Variants in SLC37A1 observed in about 807,000 individuals in gnomAD.
SLC37A1 encodes the protein solute carrier family 37 member 1.
SLC37A1 carries 49 observed loss-of-function variants against 75.3 expected under a neutral mutation model. The observed-to-expected ratio is 0.65, with a 90% CI of 0.52 to 0.83. The LOEUF is 0.83. SLC37A1 is among the 40% of genes least tolerant of loss of function. The pLI, the probability that SLC37A1 is intolerant of heterozygous loss-of-function variation, is 0.00. For missense variants in SLC37A1, 566 were observed against 695.0 expected, an observed-to-expected ratio of 0.81 and a Z score of 2.09; for synonymous variants, 268 against 292.1, an observed-to-expected ratio of 0.92 and a Z score of 0.84.
chr21:42,534,686 A>G lies in SLC37A1; in HGVS notation c.139-12A>G. On this transcript the variant is annotated splice_polypyrimidine_tract_variant and intron_variant, in intron 3 of 19. Transcript: ENST00000352133. The stretch of plus-strand genomic sequence containing the variant: ...TTCCTCTCCCTGCTTCTGCCCTCCC[A>G]TCACGTCCCAGGGTGAGCTCCACAA... The G allele has an allele frequency of 1.2e-6, 2 of 1,604,152 alleles. No homozygotes were observed. The highest frequency in any genetic ancestry group is 1.7e-6 in the Non-Finnish European group (2 of 1,173,012).
chr21:42,525,453 C>G (rs1391812615), intron 2 of SLC37A1, among the ~76,000 whole-genome samples: 1 of 152,220 alleles, frequency 6.6e-6, no homozygotes, highest in Non-Finnish European at 1.5e-5. Flanking sequence ...CATCCAGTGT[C>G]AGCTGGAGAA....
Position 42,548,934 on chromosome 21 carries a change from AAAG to A in SLC37A1, c.768+1798_768+1800del, listed in dbSNP as rs960386333. ...GGGCTCCTGGGTGTGATTCATATGGAAAGAAGGGTTCTGATACTTGATGACAAA... is the reference window on the plus strand; with the variant it reads ...GGGCTCCTGGGTGTGATTCATATGGAAAGGGTTCTGATACTTGATGACAAA... On this transcript the variant is annotated intron_variant, in intron 9 of 19. Transcript: ENST00000352133. This position sits in a 1 kb window ranked among gnomAD's most constrained non-coding sequence, Gnocchi z 5.6. Among the ~76,000 whole-genome samples, 7 of 152,160 alleles carry A rather than the reference AAAG, an allele frequency of 4.6e-5. No homozygotes were observed. Among genetic ancestry groups the A allele is most frequent in the African/African-American group, 1.7e-4 (7 of 41,432 alleles).
At position 42,552,686 on chromosome 21, in the gene SLC37A1, ACTT is replaced by A. The variant is rs2146937687; in HGVS notation, c.769-1374_769-1372del. Among the ~76,000 whole-genome samples the A allele has an allele frequency of 6.6e-6, 1 of 152,270 alleles. No individual in the cohort carries two copies. Among genetic ancestry groups the A allele is most frequent in the East Asian group, 1.9e-4 (1 of 5,192 alleles). ...GGACAGGCCCCTTCCCTTTCAGGAG[ACTT>A]CCTAGCATTTCCTAACATCATTTCT... On this transcript the variant is annotated intron_variant, in intron 9 of 19. Coordinates refer to ENST00000352133, the MANE Select transcript of SLC37A1 (RefSeq NM_001320537.2). The surrounding 1 kb of genome is among the most constrained non-coding windows in gnomAD (Gnocchi z 4.2).
intron 10 of SLC37A1, among the ~76,000 whole-genome samples, chr21:42,557,225 C>T (rs945722663): frequency 2.6e-5 from 4 of 152,236 alleles, no homozygotes; most frequent in Non-Finnish European, 5.9e-5. Context: ...TGCGGAACGG[C>T]CTGTGAAGTC....
At chr21:42,536,110 C>A (rs991983871) in intron 5 of SLC37A1, among the ~76,000 whole-genome samples, 2 of 152,186 alleles carry the variant, frequency 1.3e-5, no homozygotes, top group Admixed American at 1.3e-4. Flanking sequence ...GGATCTGAGT[C>A]CCAGCTCTGA....
intron 1 of SLC37A1, among the ~76,000 whole-genome samples, chr21:42,517,643 T>C (rs7282424): frequency 0.82 from 124,029 of 152,116 alleles, 51,164 homozygotes; most frequent in African/African-American, 0.86. Flanking sequence ...CTCAGTTCTC[T>C]GGCCTCCCTC....
chr21:42,568,048 C>T (rs941533909), intron 16 of SLC37A1, among the ~76,000 whole-genome samples: 2 of 152,262 alleles, frequency 1.3e-5, no homozygotes, highest in African/African-American at 4.8e-5. Flanking sequence ...CGTTGCGCAC[C>T]TTCACGCCTC....
At chr21:42,525,386 G>C (rs1440370993) in intron 2 of SLC37A1, among the ~76,000 whole-genome samples, 1 of 152,262 alleles carries the variant, frequency 6.6e-6, no homozygotes, top group East Asian at 1.9e-4. Flanking sequence ...GCCCCGCCCT[G>C]TGGGGGCTGA....
chr21:42,543,406 T>C, intron 7 of SLC37A1, 30 bp from the exon 8 acceptor site: 6 of 1,613,914 alleles, frequency 3.7e-6, no homozygotes, highest in Non-Finnish European at 5.1e-6. Flanking sequence ...CTCAGCTCCA[T>C]CTTCTGTCTT....
At chr21:42,507,575 G>A (rs533055470) in intron 2 of SLC37A1, among the ~76,000 whole-genome samples, 1 of 152,292 alleles carries the variant, frequency 6.6e-6, no homozygotes, top group Admixed American at 6.5e-5. Context: ...CTCGAGGCTG[G>A]GTAATTTATA....
In SLC37A1 at chr21:42,543,570, T is replaced by C. The variant is rs1234629681; in HGVS notation, c.698T>C (p.Met233Thr). The change falls in exon 8 of 20, where the codon ATG (methionine) becomes ACG (threonine). Residue 233 changes from methionine (M) to threonine (T), a missense_variant. By Grantham distance (81) the Met-to-Thr change is moderately conservative. Transcript: ENST00000352133. ...FVVPGAIVAA[M>T]GIVCFLFLIE... The stretch of plus-strand genomic sequence containing the variant: ...GTGCCTGGAGCCATCGTGGCAGCCA[T>C]GGGGATAGTGTGCTTTCTCTTCCTC... The C allele has an allele frequency of 2.5e-6, 4 of 1,611,630 alleles. No individual in the cohort carries two copies. The Admixed American group carries it at 5.0e-5, about 20-fold the overall frequency.
chr21:42,523,102 G>T (rs2054693422), intron 2 of SLC37A1, among the ~76,000 whole-genome samples: 1 of 152,260 alleles, frequency 6.6e-6, no homozygotes, highest in Non-Finnish European at 1.5e-5. Context: ...TGAACCCACA[G>T]CCCATAGGAC....
chr21:42,553,335 T>C (rs56189617), intron 9 of SLC37A1, among the ~76,000 whole-genome samples: 20,161 of 152,250 alleles, frequency 0.13, 1,921 homozygotes, highest in African/African-American at 0.27. Flanking sequence ...TGATTCCTTA[T>C]TTTAAAGGAA....
In SLC37A1 at chr21:42,575,212, G is replaced by C. The variant is rs1180063814; in HGVS notation, c.1521+297G>C. 3.0e-6 allele frequency: 3 copies of C among 983,918 alleles called. No homozygotes were observed. The African/African-American group carries it at 5.2e-5, about 17-fold the overall frequency. 60.9% of individuals were successfully genotyped at this position (983,918 alleles called of 1,614,324 possible). ...ACCTGTCATGTGTGTGACTTGGGCA[G>C]GTTTCGTAACCTCTGCTCCACAGTT... is the stretch of plus-strand genomic sequence containing the variant. On this transcript the variant is annotated intron_variant, in intron 18 of 19. Transcript: ENST00000352133.
chr21:42,505,472 T>A (rs1427927383), intron 2 of SLC37A1, among the ~76,000 whole-genome samples: 3 of 152,158 alleles, frequency 2.0e-5, no homozygotes. Flanking sequence ...TCCCCAACCC[T>A]TGTCCACAGT....
chr21:42,574,211 TA>T (rs1327834984), intron 17 of SLC37A1, among the ~76,000 whole-genome samples: 7 of 152,248 alleles, frequency 4.6e-5, no homozygotes, highest in Non-Finnish European at 4.4e-5. Context: ...ATTGAAAGAA[TA>T]TTAGTATCTA....
At chr21:42,528,564 G>A (rs1313450731) in intron 3 of SLC37A1, among the ~76,000 whole-genome samples, 6 of 152,310 alleles carry the variant, frequency 3.9e-5, no homozygotes, top group South Asian at 2.1e-4. Context: ...AGTGGCTCAC[G>A]CCTGTAATCC....
chr21:42,557,466 A>T (rs1436102129), intron 10 of SLC37A1, among the ~76,000 whole-genome samples: 1 of 152,274 alleles, frequency 6.6e-6, no homozygotes, highest in South Asian at 2.1e-4. Flanking sequence ...ACGTGCCGTG[A>T]TGGGATTATC....
At chr21:42,575,573 CAT>C in intron 18 of SLC37A1, 1 of 985,266 alleles carries the variant, frequency 1.0e-6, no homozygotes, top group Non-Finnish European at 1.2e-6. Context: ...GTCACAGTCA[CAT>C]AGATGTGCAG....
Sources: allele counts gnomAD v4.1 joint callset (sites outside exome capture counted in the v4.1 genomes callset), GRCh38; gene constraint gnomAD v4.1.1; non-coding constraint Gnocchi (gnomAD v3.1); transcripts MANE v1.5; gene names NCBI Gene and HGNC (gene_info 2026-07-23, HGNC 2026-07-21).